The following NAALADL2 variants were observed in gnomAD, a reference collection of about 807,000 sequenced individuals.
NAALADL2 encodes the protein N-acetylated alpha-linked acidic dipeptidase like 2.
In NAALADL2, 76 loss-of-function variants were observed where a neutral mutation model predicts 87.2. The ratio of observed to expected loss-of-function variants is 0.87; its 90% CI spans 0.72 to 1.05. NAALADL2 has a LOEUF of 1.05. Ranked by LOEUF, NAALADL2 falls within the 50% of genes least tolerant of loss-of-function variation. The probability of loss-of-function intolerance (pLI) is 0.00; values close to 1 mark genes in which losing one functional copy is unlikely to be tolerated. For missense variants in NAALADL2, 1,089 were observed against 945.8 expected (o/e 1.15, Z -1.99); for synonymous variants, 354 against 331.0 (o/e 1.07, Z -0.75).
chr3:175,430,665 C>G (rs1717595667), intron 5 of NAALADL2, among the ~76,000 whole-genome samples: 1 of 151,978 alleles, frequency 6.6e-6, no homozygotes, highest in South Asian at 2.1e-4. Context: ...TATTTCTTCT[C>G]TCAGTTTTTC....
intron 5 of NAALADL2, among the ~76,000 whole-genome samples, chr3:175,388,256 G>A (rs2149009458): frequency 6.6e-6 from 1 of 152,118 alleles, no homozygotes; most frequent in East Asian, 1.9e-4. Flanking sequence ...GCGCTAGCTA[G>A]CCACCTTACT....
At chr3:175,239,177 T>C (rs1746413385) in intron 3 of NAALADL2, among the ~76,000 whole-genome samples, 1 of 152,208 alleles carries the variant, frequency 6.6e-6, no homozygotes, top group African/African-American at 2.4e-5. Context: ...CCCATCATAA[T>C]GACAGGTGGG....
intron 2 of NAALADL2, among the ~76,000 whole-genome samples, chr3:175,100,316 T>A (rs907049237): frequency 1.3e-5 from 2 of 151,994 alleles, no homozygotes; most frequent in African/African-American, 2.4e-5. Flanking sequence ...CTAGGGAGAA[T>A]GGAGAAAGTG....
intron 5 of NAALADL2, among the ~76,000 whole-genome samples, chr3:175,399,728 C>T (rs1770309962): frequency 6.6e-6 from 1 of 152,012 alleles, no homozygotes; most frequent in Non-Finnish European, 1.5e-5. Flanking sequence ...GACCTCCTCT[C>T]TCACCCTGTG....
intron 1 of NAALADL2, among the ~76,000 whole-genome samples, chr3:175,020,333 A>G (rs1361637282): frequency 6.6e-6 from 1 of 152,084 alleles, no homozygotes; most frequent in Non-Finnish European, 1.5e-5. Flanking sequence ...TTAAGATGAA[A>G]AGAATGCTTA....
chr3:175,514,966 T>C (rs1219524810), intron 9 of NAALADL2, among the ~76,000 whole-genome samples: 2 of 152,188 alleles, frequency 1.3e-5, no homozygotes, highest in Admixed American at 6.5e-5. Context: ...GGAGCTATAA[T>C]ATATGTATAA....
intron 3 of NAALADL2, among the ~76,000 whole-genome samples, chr3:174,851,360 A>AC (rs1310245795): frequency 8.2e-6 from 1 of 121,816 alleles, no homozygotes; most frequent in Non-Finnish European, 1.8e-5. Flanking sequence ...TTTCAGCCAG[A>AC]CTAAAAAAAA....
At chr3:175,395,591 T>C (rs567799586) in intron 5 of NAALADL2, among the ~76,000 whole-genome samples, 3 of 152,284 alleles carry the variant, frequency 2.0e-5, no homozygotes, top group South Asian at 4.1e-4. Flanking sequence ...AACTGACCCA[T>C]CATTGTGAGT....
chr3:175,354,610 T>C lies in NAALADL2; in HGVS notation c.1090+30285T>C, dbSNP rs569025547. ...AAATCGAAAATTGATTTACCTTTTT[T>C]CATTAGATTTGAATTATTTAAACTT... On this transcript the variant is annotated intron_variant, in intron 5 of 13. Transcript: ENST00000454872. 6.6e-5 allele frequency among the ~76,000 whole-genome samples: 10 copies of C among 152,212 alleles called. No homozygotes were observed. In the South Asian group the frequency reaches 2.1e-3, roughly 32 times the overall value.
chr3:174,860,925 A>G (rs933230971), intron 1 of NAALADL2, among the ~76,000 whole-genome samples: 5 of 152,056 alleles, frequency 3.3e-5, no homozygotes, highest in African/African-American at 1.2e-4. Context: ...ATATATATGT[A>G]TAAAACTACA....
intron 1 of NAALADL2, among the ~76,000 whole-genome samples, chr3:175,023,826 ATGTC>A (rs1751878299): frequency 6.6e-6 from 1 of 152,010 alleles, no homozygotes; most frequent in Non-Finnish European, 1.5e-5. Flanking sequence ...GATTTTTGAG[ATGTC>A]TGTTTGGGCT....
rs1024097122 is a variant in NAALADL2, at chr3:175,803,410, T to C, written c.*207T>C. 2.2e-5 allele frequency: 8 copies of C among 367,546 alleles called. No homozygotes were observed. Among genetic ancestry groups the C allele is most frequent in the Non-Finnish European group, 2.4e-5 (5 of 205,458 alleles). 22.8% of individuals were successfully genotyped at this position (367,546 alleles called of 1,614,324 possible). On this transcript the variant is annotated 3_prime_UTR_variant, in exon 14 of 14. Coordinates refer to ENST00000454872, the MANE Select transcript of NAALADL2 (RefSeq NM_207015.3). ...TTTCTTATATCTACATTTCTGAATA[T>C]GTAAAGCAAGTTATTGAAATAGGAC...
chr3:175,056,414 C>T (rs966269655), intron 1 of NAALADL2, among the ~76,000 whole-genome samples: 2 of 152,116 alleles, frequency 1.3e-5, no homozygotes, highest in African/African-American at 2.4e-5. Flanking sequence ...TTTAAGAGTA[C>T]TCAGGTGTCC....
At chr3:175,681,788 T>C (rs1444296437) in intron 11 of NAALADL2, among the ~76,000 whole-genome samples, 1 of 152,184 alleles carries the variant, frequency 6.6e-6, no homozygotes, top group Non-Finnish European at 1.5e-5. Context: ...GCTGTCTTAA[T>C]GGAGATCAAA....
chr3:175,291,404 T>C (rs1255774932), intron 4 of NAALADL2, among the ~76,000 whole-genome samples: 3 of 152,198 alleles, frequency 2.0e-5, no homozygotes, highest in African/African-American at 4.8e-5. Flanking sequence ...TGTGGTTTGA[T>C]TTACTGAAAG....
chr3:175,133,259 C>A (rs1290607116), intron 2 of NAALADL2, among the ~76,000 whole-genome samples: 5 of 152,018 alleles, frequency 3.3e-5, no homozygotes, highest in Non-Finnish European at 7.4e-5. Flanking sequence ...GGCAGAGGGG[C>A]TCCTCACATC....
intron 5 of NAALADL2, among the ~76,000 whole-genome samples, chr3:175,393,236 T>TGCAGTCC (rs1187663257): frequency 1.3e-4 from 15 of 114,778 alleles, no homozygotes; most frequent in African/African-American, 4.0e-4. Flanking sequence ...ATTGCACCAC[T>TGCAGTCC]GCAGTCCGCA....
At chr3:175,401,862 A>T (rs892474523) in intron 5 of NAALADL2, among the ~76,000 whole-genome samples, 1 of 152,138 alleles carries the variant, frequency 6.6e-6, no homozygotes, top group African/African-American at 2.4e-5. Context: ...AGCTCCTTCC[A>T]TGTAAGCATA....
chr3:175,293,444 CTG>C (rs1393027019), intron 4 of NAALADL2, among the ~76,000 whole-genome samples: 3 of 152,242 alleles, frequency 2.0e-5, no homozygotes, highest in Admixed American at 6.5e-5. Context: ...GATGGGCAAA[CTG>C]TTTTTTCTTC....
Sources: allele counts gnomAD v4.1 joint callset (sites outside exome capture counted in the v4.1 genomes callset), GRCh38; gene constraint gnomAD v4.1.1; transcripts MANE v1.5; gene names NCBI Gene and HGNC (gene_info 2026-07-23, HGNC 2026-07-21).